Variants in GALNT15 observed in about 807,000 individuals in gnomAD.
The protein encoded by GALNT15 is UDP-GalNAc transferase T15.
Under a neutral mutation model 66.8 loss-of-function variants are expected in GALNT15, and 67 were observed. That is an observed-to-expected ratio of 1.00 (90% confidence interval 0.82 to 1.23). The LOEUF (loss-of-function observed/expected upper bound fraction) is 1.23. Among genes scored for constraint, GALNT15 ranks in the 50% most tolerant of loss-of-function variants. The probability of loss-of-function intolerance (pLI) is 0.00; values close to 1 mark genes in which losing one functional copy is unlikely to be tolerated. For missense variants in GALNT15, 827 were observed against 804.3 expected (o/e 1.03, Z -0.34); for synonymous variants, 313 against 311.5 (o/e 1.00, Z -0.05).
chr3:16,180,785 C>T lies in GALNT15; in HGVS notation c.539+5095C>T, dbSNP rs568354750. ...AACATAAATGTCAACTCAGCGGTAG[C>T]TGGCTGTGTGCTACCTGCTTTTAAC... On this transcript the variant is annotated intron_variant, in intron 1 of 9. Coordinates refer to ENST00000339732, the MANE Select transcript of GALNT15 (RefSeq NM_054110.5). The surrounding 1 kb of genome is among the most constrained non-coding windows in gnomAD (Gnocchi z 5.0). Among the ~76,000 whole-genome samples the T allele has an allele frequency of 2.6e-5, 4 of 152,240 alleles. No individual in the cohort carries two copies. Among genetic ancestry groups the T allele is most frequent in the Admixed American group, 2.6e-4 (4 of 15,286 alleles).
At chr3:16,232,547 T>G (rs2064095827), downstream of GALNT15, among the ~76,000 whole-genome samples, 1 of 134,666 alleles carries the variant, frequency 7.4e-6, no homozygotes. Context: ...AATGTTGAGC[T>G]CTCAGCAGCC....
chr3:16,175,503 C>CGCCT lies in GALNT15; in HGVS notation c.353_356dup (p.Ile120ProfsTer10), dbSNP rs2063396763. The stretch of plus-strand genomic sequence containing the variant: ...CCAGGGCAGGAGAGGTGGGAGCTAC[C>CGCCT]GCCTCATCAAGCAGCCAAGGAGGCA... On this transcript the variant is annotated frameshift_variant, in exon 1 of 10. Coordinates refer to ENST00000339732, the MANE Select transcript of GALNT15 (RefSeq NM_054110.5). LOFTEE classifies it high-confidence loss of function. The surrounding 1 kb of genome is among the most constrained non-coding windows in gnomAD (Gnocchi z 5.6). The CGCCT allele has an allele frequency of 3.7e-6, 6 of 1,613,928 alleles. No homozygotes were observed. In the South Asian group the frequency reaches 6.6e-5, roughly 18 times the overall value.
At position 16,209,306 on chromosome 3, in the gene GALNT15, T is replaced by G. The variant is rs1167424692; in HGVS notation, c.1079+636T>G. ...TTCTGAAAGGACACAGTGGGGTTGG[T>G]TGTCTGCCCCCATGGTTTCTGGGGT... On this transcript the variant is annotated intron_variant, in intron 4 of 9. Coordinates refer to ENST00000339732, the MANE Select transcript of GALNT15 (RefSeq NM_054110.5). This position sits in a 1 kb window ranked among gnomAD's most constrained non-coding sequence, Gnocchi z 4.1. Among the ~76,000 whole-genome samples, 1 of 152,168 alleles carries G rather than the reference T, an allele frequency of 6.6e-6. No homozygotes were observed. Among genetic ancestry groups the G allele is most frequent in the African/African-American group, 2.4e-5 (1 of 41,442 alleles).
rs2063604624 is a variant in GALNT15 at position 16,193,824 on chromosome 3, T to C, written c.540-1936T>C. ...TGTCCCTCTGAGGAGGAACATAGTT[T>C]GAGCAGCAGCTGCAACTCAGAAAGA... On this transcript the variant is annotated intron_variant, in intron 1 of 9. Coordinates refer to ENST00000339732, the MANE Select transcript of GALNT15 (RefSeq NM_054110.5). This position sits in a 1 kb window ranked among gnomAD's most constrained non-coding sequence, Gnocchi z 4.7. Among the ~76,000 whole-genome samples the C allele has an allele frequency of 6.6e-6, 1 of 152,208 alleles. No homozygotes were observed. The highest frequency in any genetic ancestry group is 2.1e-4 in the South Asian group (1 of 4,830).
At chr3:16,216,950 T>TATTTGCTCAGCTGCA (rs200852999) in intron 6 of GALNT15, among the ~76,000 whole-genome samples, 1,698 of 152,310 alleles carry the variant, frequency 0.011, 37 homozygotes, top group African/African-American at 0.039. Flanking sequence ...CAGCTGCAAC[T>TATTTGCTCAGCTGCA]AATTATTATT....
intron 3 of GALNT15, 140 bp from the exon 4 acceptor site, chr3:16,208,363 C>A (rs1031128660): frequency 1.5e-6 from 1 of 672,510 alleles, no homozygotes; most frequent in Non-Finnish European, 2.5e-6. Context: ...TTTACACTTA[C>A]TCCACACCTG....
In GALNT15 at chr3:16,186,538, A is replaced by C. The variant is rs1476864823; in HGVS notation, c.540-9222A>C. On this transcript the variant is annotated intron_variant, in intron 1 of 9. Transcript: ENST00000339732. This position sits in a 1 kb window ranked among gnomAD's most constrained non-coding sequence, Gnocchi z 5.1. ...TATAAGTCAAAATAGGAGCAATCCA[A>C]ATGTCCATCAGCTGATGAATGGACA... 6.6e-6 allele frequency among the ~76,000 whole-genome samples: 1 copy of C among 152,260 alleles called. No individual in the cohort carries two copies. Among genetic ancestry groups the C allele is most frequent in the African/African-American group, 2.4e-5 (1 of 41,456 alleles).
chr3:16,208,043 A>C (rs2063775893), intron 3 of GALNT15, among the ~76,000 whole-genome samples: 1 of 152,224 alleles, frequency 6.6e-6, no homozygotes, highest in African/African-American at 2.4e-5. Flanking sequence ...AGTGCTGTCA[A>C]GAAAGGTTTT....
downstream of GALNT15, among the ~76,000 whole-genome samples, chr3:16,236,703 G>T (rs1431350145): frequency 6.6e-6 from 1 of 152,180 alleles, no homozygotes; most frequent in Non-Finnish European, 1.5e-5. Flanking sequence ...CTCATTATGA[G>T]CACACTCCAG....
Position 16,185,111 on chromosome 3 carries a change from T to C in GALNT15, c.539+9421T>C, listed in dbSNP as rs78692972. Among the ~76,000 whole-genome samples the C allele has an allele frequency of 9.4e-3, 1,433 of 152,318 alleles. 18 individuals are homozygous for C. Among genetic ancestry groups the C allele is most frequent in the Middle Eastern group, 0.034 (10 of 292 alleles). On this transcript the variant is annotated intron_variant, in intron 1 of 9. Transcript: ENST00000339732. ...GGCATCATGTCTATTTCATTCATCT[T>C]TCAGTCCTAACACATAATAGGCTGT...
At chr3:16,201,109 C>T (rs976265288) in intron 3 of GALNT15, among the ~76,000 whole-genome samples, 2 of 152,082 alleles carry the variant, frequency 1.3e-5, no homozygotes, top group South Asian at 2.1e-4. Flanking sequence ...AATTGCATGA[C>T]GAGGGTAACA....
At chr3:16,199,765 C>T (rs560129558) in intron 2 of GALNT15, among the ~76,000 whole-genome samples, 2 of 152,268 alleles carry the variant, frequency 1.3e-5, no homozygotes, top group South Asian at 4.1e-4. Flanking sequence ...CAGTCATTGA[C>T]CATGACTGGG....
chr3:16,206,671 T>TA (rs1170870767), intron 3 of GALNT15, among the ~76,000 whole-genome samples: 7,967 of 59,802 alleles, frequency 0.13, 570 homozygotes, highest in Middle Eastern at 0.22. Context: ...AGACTCTGTC[T>TA]AAAAAAAAAA....
At chr3:16,237,830 C>T in the GALNT15 span, among the ~76,000 whole-genome samples, 1 of 152,250 alleles carries the variant, frequency 6.6e-6, no homozygotes, top group South Asian at 2.1e-4. The surrounding 1 kb of genome is among the most constrained non-coding windows in gnomAD (Gnocchi z 4.2). Flanking sequence ...CTTGAGGTTC[C>T]CGCTCCCTGA....
Position 16,184,018 on chromosome 3 carries a change from C to G in GALNT15, c.539+8328C>G, listed in dbSNP as rs1346903306. On this transcript the variant is annotated intron_variant, in intron 1 of 9. Coordinates refer to ENST00000339732, the MANE Select transcript of GALNT15 (RefSeq NM_054110.5). The surrounding 1 kb of genome is among the most constrained non-coding windows in gnomAD (Gnocchi z 5.0). The stretch of plus-strand genomic sequence containing the variant: ...ACAGCTCTCTTAGGCTAAGATTATC[C>G]CTTTCAATCCAGGACACACCCCTGG... Among the ~76,000 whole-genome samples, 2 of 152,072 alleles carry G rather than the reference C, an allele frequency of 1.3e-5. No homozygotes were observed. Among genetic ancestry groups the G allele is most frequent in the African/African-American group, 4.8e-5 (2 of 41,398 alleles).
intron 2 of GALNT15, among the ~76,000 whole-genome samples, chr3:16,196,431 G>A (rs757402051): frequency 3.9e-5 from 6 of 152,116 alleles, no homozygotes; most frequent in African/African-American, 9.7e-5. Context: ...AGACTGGAGC[G>A]GAGTCAGCCA....
rs573413726 is a variant in GALNT15, at chr3:16,184,876, T to C, written c.539+9186T>C. Among the ~76,000 whole-genome samples the C allele has an allele frequency of 6.6e-6, 1 of 152,264 alleles. No individual in the cohort carries two copies. Among genetic ancestry groups the C allele is most frequent in the Non-Finnish European group, 1.5e-5 (1 of 68,016 alleles). ...CCTTAGGGGTGAGGGTGCTGGGTGTTTAATAAACCAACTCTTTTCAATCAC... is the reference window on the plus strand; with the variant it reads ...CCTTAGGGGTGAGGGTGCTGGGTGTCTAATAAACCAACTCTTTTCAATCAC... On this transcript the variant is annotated intron_variant, in intron 1 of 9. Transcript: ENST00000339732. This position sits in a 1 kb window ranked among gnomAD's most constrained non-coding sequence, Gnocchi z 5.0.
intron 2 of GALNT15, 113 bp downstream of exon 2, chr3:16,196,039 C>G: frequency 9.6e-7 from 1 of 1,040,184 alleles, no homozygotes; most frequent in Non-Finnish European, 1.4e-6. Flanking sequence ...TCCCCAACTA[C>G]AGACCTCCAG....
intron 3 of GALNT15, among the ~76,000 whole-genome samples, chr3:16,206,672 A>T (rs796857568): frequency 0.024 from 2,095 of 87,732 alleles, 41 homozygotes; most frequent in African/African-American, 0.11. Flanking sequence ...GACTCTGTCT[A>T]AAAAAAAAAA....
Sources: gnomAD v4.1 joint callset for allele counts (sites outside exome capture counted in the v4.1 genomes callset) on GRCh38, gnomAD v4.1.1 for gene constraint, Gnocchi (gnomAD v3.1) non-coding constraint, MANE v1.5 for transcripts, NCBI Gene and HGNC (gene_info 2026-07-23, HGNC 2026-07-21) for gene names.